Variants in RYR3 observed in about 807,000 individuals in gnomAD.
The protein encoded by RYR3 is ryanodine receptor 3.
A neutral mutation model predicts 584.3 loss-of-function variants in RYR3; 207 were observed. The ratio of observed to expected loss-of-function variants is 0.35; its 90% CI spans 0.32 to 0.40. The LOEUF is 0.40. Ranked by LOEUF, RYR3 falls within the 10% of genes least tolerant of loss-of-function variation. The pLI, the probability that RYR3 is intolerant of heterozygous loss-of-function variation, is 1.00. For missense variants in RYR3, 5,616 were observed against 6,089.2 expected, an observed-to-expected ratio of 0.92 and a Z score of 2.59; for synonymous variants, 2,416 against 2,248.5, an observed-to-expected ratio of 1.07 and a Z score of -2.11.
chr15:33,649,027 A>T (rs1311061837), intron 30 of RYR3, 45 bp from the exon 31 acceptor site: 1 of 1,564,800 alleles, frequency 6.4e-7, no homozygotes, highest in Non-Finnish European at 8.7e-7. Flanking sequence ...CTTCAACTGG[A>T]TGGGGGCTGG....
At chr15:33,338,075 G>A (rs1971360586) in intron 1 of RYR3, among the ~76,000 whole-genome samples, 1 of 151,096 alleles carries the variant, frequency 6.6e-6, no homozygotes, top group Non-Finnish European at 1.5e-5. Flanking sequence ...CTCCCGAGTA[G>A]CTGGGACTGC....
chr15:33,852,988 A>G (rs1439788178), intron 94 of RYR3, 57 bp from the exon 95 acceptor site: 4 of 1,449,086 alleles, frequency 2.8e-6, no homozygotes, highest in Non-Finnish European at 2.9e-6. Flanking sequence ...ACGTTTCTTG[A>G]TGTGTTTTCC....
intron 38 of RYR3, among the ~76,000 whole-genome samples, chr15:33,686,454 A>T (rs2065016080): frequency 6.6e-6 from 1 of 152,244 alleles, no homozygotes; most frequent in Non-Finnish European, 1.5e-5. Flanking sequence ...AACCAAAAAA[A>T]GTCCAGGACC....
chr15:33,501,406 C>G (rs2051978494), intron 2 of RYR3, among the ~76,000 whole-genome samples: 1 of 152,172 alleles, frequency 6.6e-6, no homozygotes, highest in Non-Finnish European at 1.5e-5. Context: ...ATGAGGGTTT[C>G]TGTCTTAAAG....
intron 19 of RYR3, among the ~76,000 whole-genome samples, chr15:33,617,284 C>T (rs1337582594): frequency 1.3e-5 from 2 of 151,862 alleles, no homozygotes; most frequent in African/African-American, 2.4e-5. Context: ...TGGTGGCAGG[C>T]GCCTGTAGTC....
chr15:33,861,773 T>A (rs563743837), intron 102 of RYR3, among the ~76,000 whole-genome samples: 2 of 152,326 alleles, frequency 1.3e-5, no homozygotes, highest in African/African-American at 4.8e-5. Context: ...CTAAGCCCCA[T>A]GACCTGGGAT....
chr15:33,813,154 C>G (rs1385560541), intron 73 of RYR3, among the ~76,000 whole-genome samples, 160 bp downstream of exon 73: 1 of 152,196 alleles, frequency 6.6e-6, no homozygotes, highest in African/African-American at 2.4e-5. Context: ...TCTCGATGCC[C>G]TGTGATAGGA....
chr15:33,855,503 C>T (rs1026831046), intron 98 of RYR3, among the ~76,000 whole-genome samples: 9 of 152,166 alleles, frequency 5.9e-5, no homozygotes, highest in Admixed American at 2.6e-4. Context: ...CGTGCCCGGC[C>T]GGAGATCTTT....
At chr15:33,828,830 T>C (rs1460417255) in intron 85 of RYR3, among the ~76,000 whole-genome samples, 1 of 152,216 alleles carries the variant, frequency 6.6e-6, no homozygotes, top group Non-Finnish European at 1.5e-5. Context: ...GGATAATTGA[T>C]GAAGGTGGTC....
intron 2 of RYR3, among the ~76,000 whole-genome samples, chr15:33,492,550 G>T (rs555185265): frequency 1.0e-3 from 152 of 152,028 alleles, no homozygotes; most frequent in Non-Finnish European, 1.8e-3. Context: ...GTAGGAAGAA[G>T]GCATTGGGGA....
chr15:33,534,349 C>T (rs1595482356), intron 5 of RYR3, among the ~76,000 whole-genome samples: 3 of 152,118 alleles, frequency 2.0e-5, no homozygotes, highest in South Asian at 4.1e-4. Context: ...TGCAGTGAGC[C>T]GAGATCGCAC....
At chr15:33,821,467 A>G in intron 79 of RYR3, 56 bp from the exon 80 acceptor site, 1 of 1,603,412 alleles carries the variant, frequency 6.2e-7, no homozygotes, top group Non-Finnish European at 8.5e-7. Flanking sequence ...AAGGCCCAGG[A>G]GGCATGATTT....
chr15:33,646,819 T>C (rs1353611455), intron 29 of RYR3, among the ~76,000 whole-genome samples: 1 of 152,206 alleles, frequency 6.6e-6, no homozygotes, highest in African/African-American at 2.4e-5. Context: ...CCACAATTCC[T>C]GTGTTTTGTG....
chr15:33,673,201 G>A (rs1011513073), intron 38 of RYR3, among the ~76,000 whole-genome samples: 1 of 152,182 alleles, frequency 6.6e-6, no homozygotes, highest in African/African-American at 2.4e-5. Flanking sequence ...GGAATTCAAT[G>A]TTTTAACATT....
chr15:33,495,584 ATTC>A (rs1295810587), intron 2 of RYR3, among the ~76,000 whole-genome samples: 1 of 152,158 alleles, frequency 6.6e-6, no homozygotes, highest in African/African-American at 2.4e-5. Flanking sequence ...TATGGATTCT[ATTC>A]TTCTTTCTCT....
intron 1 of RYR3, among the ~76,000 whole-genome samples, chr15:33,457,753 G>C (rs1187891878): frequency 6.6e-6 from 1 of 152,200 alleles, no homozygotes; most frequent in East Asian, 1.9e-4. Flanking sequence ...AGTGATACAT[G>C]TGTGAGGTGG....
At chr15:33,543,752 C>T in intron 8 of RYR3, 37 bp downstream of exon 8, 1 of 1,296,530 alleles carries the variant, frequency 7.7e-7, no homozygotes, top group Non-Finnish European at 1.1e-6. Flanking sequence ...TAGCTGTTTC[C>T]AGTCTCAAAT....
intron 10 of RYR3, among the ~76,000 whole-genome samples, chr15:33,555,430 T>A (rs762724738): frequency 3.3e-5 from 5 of 152,214 alleles, no homozygotes; most frequent in Non-Finnish European, 5.9e-5. Flanking sequence ...TTACTGCAGC[T>A]TCATTTTAAA....
intron 1 of RYR3, among the ~76,000 whole-genome samples, chr15:33,319,547 G>C (rs967443282): frequency 3.9e-5 from 6 of 152,222 alleles, no homozygotes; most frequent in African/African-American, 1.4e-4. Context: ...TTTGCAAGAG[G>C]CATTTTAGGA....
Sources: allele counts gnomAD v4.1 joint callset (sites outside exome capture counted in the v4.1 genomes callset), GRCh38; gene constraint gnomAD v4.1.1; transcripts MANE v1.5; gene names NCBI Gene and HGNC (gene_info 2026-07-23, HGNC 2026-07-21).